SBF2: variants seen among roughly 807,000 people sequenced by gnomAD.
SBF2 encodes SET binding factor 2, also known as myotubularin-related protein 13.
In SBF2, 112 loss-of-function variants were observed where a neutral mutation model predicts 225.2. The ratio of observed to expected loss-of-function variants is 0.50; its 90% CI spans 0.43 to 0.58. The LOEUF (loss-of-function observed/expected upper bound fraction) is 0.58. Ranked by LOEUF, SBF2 falls within the 20% of genes least tolerant of loss-of-function variation. SBF2 has a pLI of 0.00. For missense variants in SBF2, 1,996 were observed against 2,206.2 expected, an observed-to-expected ratio of 0.90 and a Z score of 1.91; for synonymous variants, 763 against 773.3, an observed-to-expected ratio of 0.99 and a Z score of 0.22.
chr11:10,152,420 A>C (rs1362018008), intron 2 of SBF2, among the ~76,000 whole-genome samples: 1 of 151,956 alleles, frequency 6.6e-6, no homozygotes, highest in Non-Finnish European at 1.5e-5. Flanking sequence ...GTGGTGGTGC[A>C]TGCCTGTAAT....
chr11:9,931,179 T>C (rs372023118), intron 16 of SBF2, among the ~76,000 whole-genome samples: 1 of 152,246 alleles, frequency 6.6e-6, no homozygotes, highest in East Asian at 1.9e-4. Context: ...GGGCAGGGCA[T>C]AGCTGAACAA....
intron 2 of SBF2, among the ~76,000 whole-genome samples, chr11:10,094,527 G>GTTTTTTTTT (rs1565222159): frequency 7.0e-5 from 5 of 71,646 alleles, no homozygotes; most frequent in African/African-American, 1.6e-4. Context: ...AATACACACA[G>GTTTTTTTTT]ATTTTTTTTT....
intron 16 of SBF2, chr11:9,959,892 T>C: frequency 2.5e-6 from 1 of 402,786 alleles, no homozygotes; most frequent in Non-Finnish European, 4.8e-6. Context: ...GAAACTCTGC[T>C]CTTCTCCCAT....
intron 2 of SBF2, among the ~76,000 whole-genome samples, chr11:10,192,085 T>G (rs1452754023): frequency 6.6e-6 from 1 of 152,132 alleles, no homozygotes; most frequent in Non-Finnish European, 1.5e-5. Flanking sequence ...AAATTTCCCC[T>G]CAATCACACT....
At chr11:10,104,296 C>G (rs1952457572) in intron 2 of SBF2, among the ~76,000 whole-genome samples, 1 of 151,790 alleles carries the variant, frequency 6.6e-6, no homozygotes, top group South Asian at 2.1e-4. Flanking sequence ...AATTTGAAAA[C>G]AAAAAAGAAA....
chr11:10,292,949 G>A (rs1409696364), intron 1 of SBF2, among the ~76,000 whole-genome samples: 1 of 152,206 alleles, frequency 6.6e-6, no homozygotes, highest in African/African-American at 2.4e-5. Flanking sequence ...GAAGTTCTTA[G>A]GAGAGGAATA....
At chr11:9,915,074 G>C (rs1862960051) in intron 16 of SBF2, among the ~76,000 whole-genome samples, 2 of 152,190 alleles carry the variant, frequency 1.3e-5, no homozygotes, top group African/African-American at 4.8e-5. Context: ...GGATGAACTT[G>C]TGAAGATGGA....
intron 8 of SBF2, among the ~76,000 whole-genome samples, 178 bp downstream of exon 8, chr11:10,000,736 T>G (rs1471020263): frequency 6.6e-6 from 1 of 152,214 alleles, no homozygotes; most frequent in Non-Finnish European, 1.5e-5. Context: ...CCTCCTATAC[T>G]TGCTATATGG....
chr11:10,243,510 T>A (rs1451766633), intron 1 of SBF2, among the ~76,000 whole-genome samples: 2 of 151,316 alleles, frequency 1.3e-5, no homozygotes, highest in Non-Finnish European at 2.9e-5. Flanking sequence ...GAAAAAAAAT[T>A]TTTTAATGAC....
intron 1 of SBF2, among the ~76,000 whole-genome samples, chr11:10,264,105 A>C (rs1268404899): frequency 6.6e-6 from 1 of 152,172 alleles, no homozygotes; most frequent in Non-Finnish European, 1.5e-5. Context: ...ACATCATCAA[A>C]TTCCAAGATG....
At chr11:9,861,285 C>G (rs1464386547) in intron 17 of SBF2, among the ~76,000 whole-genome samples, 1 of 152,172 alleles carries the variant, frequency 6.6e-6, no homozygotes, top group Non-Finnish European at 1.5e-5. Flanking sequence ...GCCTAGAACT[C>G]CTGGGCTTAA....
Position 9,902,015 on chromosome 11 carries a change from C to T in SBF2, c.1861-6004G>A, listed in dbSNP as rs1861759665. ...CAGCATCACATGATAGATAGAAGAC[C>T]CTGAAGGAAATCAAAATATTTTTCT... On this transcript the variant is annotated intron_variant, in intron 16 of 39. Coordinates refer to ENST00000256190, the MANE Select transcript of SBF2 (RefSeq NM_030962.4). 2.0e-5 allele frequency among the ~76,000 whole-genome samples: 3 copies of T among 152,178 alleles called. No homozygotes were observed. The South Asian group carries it at 6.2e-4, about 32-fold the overall frequency.
At chr11:10,118,069 A>T (rs1349642671) in intron 2 of SBF2, among the ~76,000 whole-genome samples, 1 of 152,156 alleles carries the variant, frequency 6.6e-6, no homozygotes, top group African/African-American at 2.4e-5. Context: ...GAAACAAACA[A>T]AGCCTCCTTC....
At position 9,787,740 on chromosome 11, in the gene SBF2, T is replaced by A; in HGVS notation, c.4933-2A>T. 1.2e-6 allele frequency: 2 copies of A among 1,613,550 alleles called. No individual in the cohort carries two copies. The highest frequency in any genetic ancestry group is 2.2e-5 in the East Asian group (1 of 44,888). On this transcript the variant is annotated splice_acceptor_variant, in intron 35 of 39. Transcript: ENST00000256190. LOFTEE classifies it high-confidence loss of function. ...TTTGTGCTCCAATTTTTCAATTTCC[T>A]GCAAAGAAATTAAAAGTTTTCTGAT...
intron 16 of SBF2, among the ~76,000 whole-genome samples, chr11:9,931,535 G>T (rs1864499252): frequency 1.3e-5 from 2 of 152,212 alleles, no homozygotes; most frequent in South Asian, 2.1e-4. Flanking sequence ...GCAGCTGAGG[G>T]ACCTGACTGT....
chr11:9,945,641 A>T (rs1865518841), intron 16 of SBF2, among the ~76,000 whole-genome samples: 1 of 152,124 alleles, frequency 6.6e-6, no homozygotes, highest in African/African-American at 2.4e-5. Flanking sequence ...AAACTATCTA[A>T]AGAGTAAACA....
Position 9,814,241 on chromosome 11 carries a change from T to C in SBF2, c.3979-1533A>G, listed in dbSNP as rs144312488. Reference sequence around the variant, plus strand: ...AAAGAATGAATTAATTTTCTCAAAATGTTTCCACTTTCTTTTCATTGTGCC... The same window carrying C: ...AAAGAATGAATTAATTTTCTCAAAACGTTTCCACTTTCTTTTCATTGTGCC... On this transcript the variant is annotated intron_variant, in intron 29 of 39. Transcript: ENST00000256190. Among the ~76,000 whole-genome samples the C allele has an allele frequency of 9.5e-3, 1,444 of 152,344 alleles. 32 individuals carry two copies. The highest frequency in any genetic ancestry group is 0.034 in the African/African-American group (1,394 of 41,568).
chr11:9,891,374 A>G (rs771847480), intron 17 of SBF2, among the ~76,000 whole-genome samples: 2 of 152,214 alleles, frequency 1.3e-5, no homozygotes, highest in Admixed American at 6.5e-5. Flanking sequence ...TAATCTTTAA[A>G]TGCAAAGGGC....
chr11:9,875,759 G>C (rs943120901), intron 17 of SBF2, among the ~76,000 whole-genome samples: 2 of 152,170 alleles, frequency 1.3e-5, no homozygotes, highest in African/African-American at 4.8e-5. Flanking sequence ...TGGAGGGGTA[G>C]GAGAAATTGA....
Sources: allele counts gnomAD v4.1 joint callset (sites outside exome capture counted in the v4.1 genomes callset), GRCh38; gene constraint gnomAD v4.1.1; transcripts MANE v1.5; gene names NCBI Gene and HGNC (gene_info 2026-07-23, HGNC 2026-07-21).